MDGA2: variants seen among roughly 807,000 people sequenced by gnomAD.
MDGA2 encodes the protein MAM domain containing glycosylphosphatidylinositol anchor 2, also known as MAM domain-containing glycosylphosphatidylinositol anchor protein 2.
A neutral mutation model predicts 117.8 loss-of-function variants in MDGA2; 40 were observed. The ratio of observed to expected loss-of-function variants is 0.34; its 90% CI spans 0.26 to 0.44. The LOEUF is 0.44. Ranked by LOEUF, MDGA2 falls within the 20% of genes least tolerant of loss-of-function variation. The pLI, the probability that MDGA2 is intolerant of heterozygous loss-of-function variation, is 1.00. For missense variants in MDGA2, 1,123 were observed against 1,250.6 expected, an observed-to-expected ratio of 0.90 and a Z score of 1.54; for synonymous variants, 452 against 439.0, an observed-to-expected ratio of 1.03 and a Z score of -0.37.
chr14:47,134,060 T>C (rs1292389617), intron 4 of MDGA2, among the ~76,000 whole-genome samples: 1 of 152,106 alleles, frequency 6.6e-6, no homozygotes, highest in Non-Finnish European at 1.5e-5. Flanking sequence ...TGTAAAATAA[T>C]CATCACAATC....
At chr14:47,447,281 G>C (rs1839748423) in intron 1 of MDGA2, among the ~76,000 whole-genome samples, 1 of 152,140 alleles carries the variant, frequency 6.6e-6, no homozygotes. Context: ...ACAAGAGAAA[G>C]GTCAGGCTCT....
intron 2 of MDGA2, among the ~76,000 whole-genome samples, chr14:47,252,201 T>C (rs1370115800): frequency 2.6e-5 from 4 of 152,056 alleles, no homozygotes; most frequent in Admixed American, 6.6e-5. Flanking sequence ...GGATACAACA[T>C]AGAAAATCTA....
At chr14:47,244,231 T>C (rs144084314) in intron 2 of MDGA2, among the ~76,000 whole-genome samples, 1 of 151,966 alleles carries the variant, frequency 6.6e-6, no homozygotes, top group East Asian at 1.9e-4. Context: ...TAATACCCAA[T>C]GTATTATTAT....
At chr14:47,027,856 G>A (rs1009214723) in intron 8 of MDGA2, among the ~76,000 whole-genome samples, 9 of 151,768 alleles carry the variant, frequency 5.9e-5, no homozygotes, top group Non-Finnish European at 1.2e-4. Context: ...GTTTATTTGT[G>A]GGAAGCTCAG....
chr14:46,955,212 G>A (rs1330994827), intron 9 of MDGA2, among the ~76,000 whole-genome samples: 1 of 151,804 alleles, frequency 6.6e-6, no homozygotes, highest in Non-Finnish European at 1.5e-5. Context: ...TAATATATAA[G>A]TAATATAGAT....
intron 1 of MDGA2, among the ~76,000 whole-genome samples, chr14:47,411,869 T>G (rs6572422): frequency 0.44 from 67,383 of 152,018 alleles, 15,584 homozygotes; most frequent in Middle Eastern, 0.6. Context: ...CAAAGACCCG[T>G]AAGACTTCCT....
chr14:47,298,976 G>A (rs911122110), intron 2 of MDGA2, among the ~76,000 whole-genome samples: 4 of 152,034 alleles, frequency 2.6e-5, no homozygotes, highest in Non-Finnish European at 5.9e-5. Context: ...GTGAGCCACC[G>A]CGCCCAGCCG....
At chr14:47,372,874 T>C (rs1449230919) in intron 1 of MDGA2, among the ~76,000 whole-genome samples, 1 of 152,006 alleles carries the variant, frequency 6.6e-6, no homozygotes, top group Non-Finnish European at 1.5e-5. Flanking sequence ...TATAATTTTA[T>C]GGAATGCTGT....
intron 1 of MDGA2, among the ~76,000 whole-genome samples, chr14:47,449,874 A>G (rs1019917349): frequency 1.6e-4 from 25 of 152,198 alleles, no homozygotes; most frequent in African/African-American, 6.0e-4. Flanking sequence ...CTACCTAAAA[A>G]TGTGAAAAAA....
chr14:47,165,630 G>A (rs982958455), intron 3 of MDGA2, among the ~76,000 whole-genome samples: 3 of 152,116 alleles, frequency 2.0e-5, no homozygotes, highest in African/African-American at 7.2e-5. Flanking sequence ...CCATTTCTAG[G>A]TTCCACTCTG....
At chr14:47,006,362 C>T (rs10130820) in intron 8 of MDGA2, among the ~76,000 whole-genome samples, 36,676 of 146,860 alleles carry the variant, frequency 0.25, 5,348 homozygotes, top group East Asian at 0.59. Flanking sequence ...TGGTTCACTA[C>T]AACATATATT....
intron 7 of MDGA2, among the ~76,000 whole-genome samples, chr14:47,042,315 T>G (rs1018896869): frequency 5.3e-5 from 3 of 56,794 alleles, no homozygotes; most frequent in South Asian, 1.1e-3. Context: ...AATCTATGTT[T>G]TTTTTTTTTT....
chr14:46,918,760 C>T (rs201105322), intron 10 of MDGA2, among the ~76,000 whole-genome samples: 39 of 124,754 alleles, frequency 3.1e-4, no homozygotes, highest in African/African-American at 4.7e-4. Context: ...TACAGTGTAT[C>T]TTTTTTTTTT....
At chr14:47,301,809 C>T (rs1889294739) in intron 1 of MDGA2, among the ~76,000 whole-genome samples, 1 of 152,106 alleles carries the variant, frequency 6.6e-6, no homozygotes, top group African/African-American at 2.4e-5. Context: ...CAATACAAGA[C>T]CACAAGATAA....
chr14:47,180,965 A>C (rs994770004), intron 3 of MDGA2, among the ~76,000 whole-genome samples: 3 of 152,044 alleles, frequency 2.0e-5, no homozygotes, highest in Non-Finnish European at 2.9e-5. Context: ...ACAAAAACAC[A>C]GATGCTGGTG....
intron 1 of MDGA2, among the ~76,000 whole-genome samples, chr14:47,627,913 G>A (rs564261140): frequency 8.5e-5 from 13 of 152,242 alleles, no homozygotes; most frequent in East Asian, 3.9e-4. Context: ...GCACACATCC[G>A]AACATCAGAA....
intron 2 of MDGA2, among the ~76,000 whole-genome samples, chr14:47,292,128 C>T (rs1255316693): frequency 1.3e-5 from 2 of 152,112 alleles, no homozygotes; most frequent in African/African-American, 2.4e-5. Flanking sequence ...TATCATAATC[C>T]GCCTGACTTT....
intron 8 of MDGA2, among the ~76,000 whole-genome samples, chr14:47,004,551 T>TTTCCATCTCAA (rs141730975): frequency 6.6e-6 from 1 of 151,194 alleles, no homozygotes; most frequent in Non-Finnish European, 1.5e-5. Flanking sequence ...TTCCCTTATA[T>TTTCCATCTCAA]TTCCATCTAA....
chr14:47,500,855 A>C (rs1476822434), intron 1 of MDGA2, among the ~76,000 whole-genome samples: 1 of 152,144 alleles, frequency 6.6e-6, no homozygotes, highest in Non-Finnish European at 1.5e-5. Context: ...TTTTCTGAAT[A>C]ATTTGGGAGA....
Sources: gnomAD v4.1 joint callset for allele counts (sites outside exome capture counted in the v4.1 genomes callset) on GRCh38, gnomAD v4.1.1 for gene constraint, MANE v1.5 for transcripts, NCBI Gene and HGNC (gene_info 2026-07-23, HGNC 2026-07-21) for gene names.